ELAPOR2: variants seen among roughly 807,000 people sequenced by gnomAD.
ELAPOR2 encodes the protein endosome-lysosome associated apoptosis and autophagy regulator family member 2.
In ELAPOR2, 89 loss-of-function variants were observed where a neutral mutation model predicts 120.7. The observed-to-expected ratio is 0.74, with a 90% CI of 0.62 to 0.88. The LOEUF is 0.88. Among genes scored for constraint, ELAPOR2 ranks in the 40% least tolerant of loss-of-function variants. ELAPOR2 has a pLI of 0.00. For missense variants in ELAPOR2, 1,134 were observed against 1,251.6 expected (o/e 0.91, Z 1.42); for synonymous variants, 444 against 444.9 (o/e 1.00, Z 0.03).
chr7:86,997,170 A>C (rs1793154167), intron 1 of ELAPOR2, among the ~76,000 whole-genome samples: 1 of 151,948 alleles, frequency 6.6e-6, no homozygotes, highest in East Asian at 1.9e-4. Context: ...TTTAGAATAA[A>C]GTATCTGGAG....
chr7:87,045,567 A>G (rs564110428), intron 1 of ELAPOR2, among the ~76,000 whole-genome samples: 1 of 141,172 alleles, frequency 7.1e-6, no homozygotes, highest in Admixed American at 7.3e-5. Context: ...GTGAGATCAC[A>G]TGGACACAGG....
In ELAPOR2 at chr7:87,008,313, C is replaced by T. The variant is rs192180335; in HGVS notation, c.190-43289G>A. ...TCAGAAGTATCAACATCAAGAAAGA[C>T]GTAACTGAAGAACTATTCCAGACTA... On this transcript the variant is annotated intron_variant, in intron 1 of 21. Transcript: ENST00000450689. 2.8e-3 allele frequency among the ~76,000 whole-genome samples: 430 copies of T among 152,104 alleles called. 1 individual carries two copies. The highest frequency in any genetic ancestry group is 9.7e-3 in the African/African-American group (402 of 41,494).
At position 86,879,705 on chromosome 7, in the gene ELAPOR2, T is replaced by C. The variant is rs907736237; in HGVS notation, c.*766A>G. ...GCACTACATAAACTGTTTTAAGTCA[T>C]TTGACTTCTATGATACTAGCAGCTA... On this transcript the variant is annotated 3_prime_UTR_variant, in exon 22 of 22. Coordinates refer to ENST00000450689, the MANE Select transcript of ELAPOR2 (RefSeq NM_001142749.3). The C allele has an allele frequency of 6.6e-6, 1 of 152,208 alleles. No homozygotes were observed. Among genetic ancestry groups the C allele is most frequent in the South Asian group, 2.1e-4 (1 of 4,834 alleles). 9.4% of individuals were successfully genotyped at this position (152,208 alleles called of 1,614,324 possible).
intron 2 of ELAPOR2, among the ~76,000 whole-genome samples, chr7:86,958,527 T>TGGTAGGA (rs1276213856): frequency 3.3e-5 from 5 of 152,172 alleles, no homozygotes; most frequent in Admixed American, 1.3e-4. Context: ...CCAGAGTCCT[T>TGGTAGGA]GGTAGGACAG....
intron 1 of ELAPOR2, among the ~76,000 whole-genome samples, chr7:87,050,755 A>G (rs939186087): frequency 3.9e-5 from 6 of 152,194 alleles, no homozygotes; most frequent in African/African-American, 1.4e-4. Flanking sequence ...TTACAGTGAT[A>G]GTCCAGGCAA....
At chr7:86,943,434 T>C (rs111434321) in intron 4 of ELAPOR2, among the ~76,000 whole-genome samples, 64 of 152,180 alleles carry the variant, frequency 4.2e-4, no homozygotes, top group African/African-American at 1.5e-3. Flanking sequence ...AAACACTTTC[T>C]TTCCATTAAC....
chr7:86,935,583 C>T (rs908922587), intron 8 of ELAPOR2, among the ~76,000 whole-genome samples: 3 of 151,988 alleles, frequency 2.0e-5, no homozygotes, highest in Admixed American at 2.0e-4. Flanking sequence ...CCAGCAGAAT[C>T]AGAATTACCC....
chr7:86,903,356 G>T (rs1398760844), intron 18 of ELAPOR2, among the ~76,000 whole-genome samples: 1 of 152,026 alleles, frequency 6.6e-6, no homozygotes, highest in African/African-American at 2.4e-5. Context: ...AATATTCTAA[G>T]AACGTATTTG....
At chr7:87,010,436 TC>T in intron 1 of ELAPOR2, among the ~76,000 whole-genome samples, 1 of 152,218 alleles carries the variant, frequency 6.6e-6, no homozygotes, top group East Asian at 1.9e-4. Flanking sequence ...AGACTAAGCA[TC>T]CTCTAGCATT....
chr7:87,039,171 G>T (rs1437600453), intron 1 of ELAPOR2, among the ~76,000 whole-genome samples: 1 of 151,968 alleles, frequency 6.6e-6, no homozygotes, highest in Admixed American at 6.6e-5. Context: ...AAAAGAAGTG[G>T]ACTAATTCCT....
intron 2 of ELAPOR2, among the ~76,000 whole-genome samples, chr7:86,954,639 T>C (rs560510433): frequency 5.9e-5 from 9 of 152,156 alleles, no homozygotes; most frequent in Non-Finnish European, 1.2e-4. Flanking sequence ...GCTTCCATGA[T>C]AGTCTAATCT....
At chr7:87,003,641 T>C (rs902873819) in intron 1 of ELAPOR2, among the ~76,000 whole-genome samples, 16 of 152,138 alleles carry the variant, frequency 1.1e-4, no homozygotes, top group Admixed American at 3.9e-4. Context: ...CTCTTTTCTT[T>C]ATAAACTACC....
At chr7:86,910,847 A>G (rs147400782) in intron 15 of ELAPOR2, among the ~76,000 whole-genome samples, 117 of 152,226 alleles carry the variant, frequency 7.7e-4, no homozygotes, top group African/African-American at 2.7e-3. Context: ...ATCTTTCTTA[A>G]TGCAGCTAGC....
At chr7:87,024,337 G>A (rs566833637) in intron 1 of ELAPOR2, among the ~76,000 whole-genome samples, 103 of 152,050 alleles carry the variant, frequency 6.8e-4, no homozygotes, top group African/African-American at 9.6e-4. Flanking sequence ...GGTTTTCGTC[G>A]TTGGTTCTGT....
In ELAPOR2 at chr7:87,059,451, G is replaced by T. The variant is rs1176866374; in HGVS notation, c.63C>A (p.Pro21=). 1 of 1,225,862 alleles carries T rather than the reference G, an allele frequency of 8.2e-7. No individual in the cohort carries two copies. Among genetic ancestry groups the T allele is most frequent in the African/African-American group, 1.6e-5 (1 of 63,968 alleles). 75.9% of individuals were successfully genotyped at this position (1,225,862 alleles called of 1,614,324 possible). A position where few individuals can be genotyped will look rare whatever the true frequency, so the allele number is the denominator to read the frequency against. ...TCCAGGGCGGCGAGCGCCCGCGGCG[G>T]GGAGCCTCCGCCGGCCGCCCCCAGC... ...GRGWGRPAEA[P]RRGRSPPWSP... The change falls in exon 1 of 22, where the codon CCC becomes CCA. Residue 21 remains proline (P), a synonymous_variant. Coordinates refer to ENST00000450689, the MANE Select transcript of ELAPOR2 (RefSeq NM_001142749.3).
At chr7:87,014,294 G>A (rs1193013795) in intron 1 of ELAPOR2, among the ~76,000 whole-genome samples, 2 of 152,138 alleles carry the variant, frequency 1.3e-5, no homozygotes, top group African/African-American at 2.4e-5. Flanking sequence ...AGAGGCTCTT[G>A]TATTTTTTTC....
At chr7:86,975,010 G>A (rs1041818003) in intron 1 of ELAPOR2, among the ~76,000 whole-genome samples, 3 of 152,148 alleles carry the variant, frequency 2.0e-5, no homozygotes, top group Admixed American at 1.3e-4. Flanking sequence ...AAGTACTTTC[G>A]AAATGAGCAG....
chr7:86,983,334 G>A (rs1393048904), intron 1 of ELAPOR2, among the ~76,000 whole-genome samples: 1 of 152,076 alleles, frequency 6.6e-6, no homozygotes, highest in Non-Finnish European at 1.5e-5. Flanking sequence ...GAAATATAGA[G>A]AACACCAGAA....
intron 1 of ELAPOR2, among the ~76,000 whole-genome samples, chr7:86,980,385 C>T (rs1792426056): frequency 1.3e-5 from 2 of 152,290 alleles, no homozygotes; most frequent in South Asian, 4.1e-4. Flanking sequence ...ACATTTGAGG[C>T]AGTTCCCTCT....
Sources: gnomAD v4.1 joint callset for allele counts (sites outside exome capture counted in the v4.1 genomes callset) on GRCh38, gnomAD v4.1.1 for gene constraint, MANE v1.5 for transcripts, NCBI Gene and HGNC (gene_info 2026-07-23, HGNC 2026-07-21) for gene names.